The following ENO4 variants were observed in gnomAD, a reference collection of about 807,000 sequenced individuals.
ENO4 encodes the protein 2-phospho-D-glycerate hydro-lyase.
A neutral mutation model predicts 63.2 loss-of-function variants in ENO4; 53 were observed. The ratio of observed to expected loss-of-function variants is 0.84; its 90% CI spans 0.67 to 1.05. The LOEUF (loss-of-function observed/expected upper bound fraction) is 1.05, where lower values mean the gene tolerates loss of function less well. Among genes scored for constraint, ENO4 ranks in the 50% least tolerant of loss-of-function variants. The pLI is 0.00. For synonymous variants in ENO4, 266 were observed against 283.8 expected (o/e 0.94, Z 0.63); for missense variants, 719 against 772.0 (o/e 0.93, Z 0.81).
intron 7 of ENO4, among the ~76,000 whole-genome samples, chr10:116,866,715 G>A (rs1428822072): frequency 1.3e-5 from 2 of 151,886 alleles, no homozygotes; most frequent in African/African-American, 4.8e-5. Context: ...TGAGGTGGGA[G>A]GATTGCTTGA....
rs949851779 is a variant in ENO4 at position 116,871,141 on chromosome 10, A to G, written c.1064A>G (p.Lys355Arg). Residue 355 changes from lysine to arginine, a missense_variant, in exon 9 of 14, where the codon AAG (lysine) becomes AGG (arginine). Around this residue, in one of 3 missense-constraint regions of ENO4, gnomAD observed 544 missense variants for 583.6 expected, o/e 0.93. Coordinates refer to ENST00000341276, the MANE Select transcript of ENO4 (RefSeq NM_001242699.2). ...ATCTTGCAGCAGCAGATCACTGGCA[A>G]GATGTCTCATCTTGGCTGTTTAACC... ...SKRGQQQITG[K>R]MSHLGCLTIN... The G allele has an allele frequency of 2.6e-6, 4 of 1,550,366 alleles. No homozygotes were observed. The highest frequency in any genetic ancestry group is 1.4e-5 in the African/African-American group (1 of 73,042).
intron 10 of ENO4, chr10:116,900,543 G>A: frequency 6.5e-7 from 1 of 1,534,000 alleles, no homozygotes; most frequent in Non-Finnish European, 8.7e-7. Context: ...CAGATTATCT[G>A]TGTAAAATGG....
intron 10 of ENO4, among the ~76,000 whole-genome samples, chr10:116,896,801 C>CTTTTT (rs1230730641): frequency 4.1e-5 from 5 of 121,718 alleles, no homozygotes; most frequent in Non-Finnish European, 8.7e-5. Flanking sequence ...TGATCAGGTA[C>CTTTTT]TTTTTTTTTT....
chr10:116,896,058 A>G (rs1847505993), intron 10 of ENO4, among the ~76,000 whole-genome samples: 1 of 152,188 alleles, frequency 6.6e-6, no homozygotes, highest in African/African-American at 2.4e-5. Context: ...TGATTTCAGC[A>G]CATTTCCTCT....
intron 7 of ENO4, among the ~76,000 whole-genome samples, chr10:116,864,946 G>A (rs1846512515): frequency 6.6e-6 from 1 of 151,932 alleles, no homozygotes; most frequent in Non-Finnish European, 1.5e-5. Context: ...CTTGAACCCA[G>A]AAGGCAGAGG....
At chr10:116,864,062 C>T (rs1846489779) in intron 7 of ENO4, among the ~76,000 whole-genome samples, 1 of 152,200 alleles carries the variant, frequency 6.6e-6, no homozygotes, top group Non-Finnish European at 1.5e-5. Context: ...AGTGTAATAT[C>T]AAACACGCCG....
chr10:116,869,294 G>C (rs1036156734), intron 8 of ENO4, among the ~76,000 whole-genome samples: 5 of 152,166 alleles, frequency 3.3e-5, no homozygotes, highest in Non-Finnish European at 7.3e-5. Flanking sequence ...GCTGATAGAT[G>C]TATCTATTAT....
chr10:116,857,628 C>T (rs558818609), intron 3 of ENO4, among the ~76,000 whole-genome samples: 1 of 144,770 alleles, frequency 6.9e-6, no homozygotes, highest in East Asian at 2.0e-4. Flanking sequence ...AGATAATGAC[C>T]TTTGTAACAG....
intron 7 of ENO4, among the ~76,000 whole-genome samples, chr10:116,863,947 C>A (rs1034093307): frequency 5.3e-5 from 8 of 152,224 alleles, no homozygotes; most frequent in Admixed American, 3.9e-4. Flanking sequence ...ATTCATAACT[C>A]CGTGACCTTG....
chr10:116,895,717 G>C (rs755402801), intron 10 of ENO4, among the ~76,000 whole-genome samples: 1 of 152,064 alleles, frequency 6.6e-6, no homozygotes, highest in Admixed American at 6.6e-5. Context: ...GACACTAAAC[G>C]CAGTACACCA....
At chr10:116,902,111 T>G (rs535596533) in intron 10 of ENO4, among the ~76,000 whole-genome samples, 1 of 152,364 alleles carries the variant, frequency 6.6e-6, no homozygotes, top group South Asian at 2.1e-4. Context: ...GTTGGAAATC[T>G]GCTCTGCTTT....
At chr10:116,891,195 G>A (rs545707080) in intron 10 of ENO4, among the ~76,000 whole-genome samples, 18 of 152,184 alleles carry the variant, frequency 1.2e-4, no homozygotes, top group East Asian at 1.9e-4. Context: ...ACTTTTAAGC[G>A]GTGAGAGTTA....
intron 1 of ENO4, among the ~76,000 whole-genome samples, chr10:116,855,161 C>T (rs1227892652): frequency 2.0e-5 from 3 of 151,608 alleles, no homozygotes; most frequent in Admixed American, 6.6e-5. Flanking sequence ...AGCATGATGG[C>T]GCACGCCTGT....
rs749622679 is a variant in ENO4, at chr10:116,849,666, C to T, written c.100C>T (p.Arg34Cys). The T allele has an allele frequency of 6.5e-7, 1 of 1,549,960 alleles. No homozygotes were observed. The highest frequency in any genetic ancestry group is 8.7e-7 in the Non-Finnish European group (1 of 1,146,754). ...GTACTACCGGGAGAACGACGTTCCG[C>T]GCAGGCTGGAAGAGCTGCTCAACTC... ...MEYYRENDVP[R>C]RLEELLNSTF... The change falls in exon 1 of 14, where the codon CGC (arginine) becomes TGC (cysteine). Residue 34 changes from arginine (R) to cysteine (C), a missense_variant. Transcript: ENST00000341276.
At chr10:116,905,073 C>T (rs1004801567) in intron 10 of ENO4, among the ~76,000 whole-genome samples, 22 of 151,620 alleles carry the variant, frequency 1.5e-4, no homozygotes, top group South Asian at 1.1e-3. Flanking sequence ...CGGTGGCGGG[C>T]GCCTGTAGTC....
Position 116,871,159 on chromosome 10 carries a change from G to A in ENO4, c.1082G>A (p.Cys361Tyr), listed in dbSNP as rs779206215. 2.6e-6 allele frequency: 4 copies of A among 1,550,488 alleles called. No homozygotes were observed. The South Asian group carries it at 3.6e-5, about 14-fold the overall frequency. ...ACTGGCAAGATGTCTCATCTTGGCTGTTTAACCATTAACTGTGACTCCATA... is the reference window on the plus strand; with the variant it reads ...ACTGGCAAGATGTCTCATCTTGGCTATTTAACCATTAACTGTGACTCCATA... ...QITGKMSHLG[C>Y]LTINCDSIEQ... The change falls in exon 9 of 14, where the codon TGT (cysteine) becomes TAT (tyrosine). Residue 361 changes from cysteine to tyrosine, a missense_variant. Coordinates refer to ENST00000341276, the MANE Select transcript of ENO4 (RefSeq NM_001242699.2).
rs370934016 is a variant in ENO4, at chr10:116,899,084, T to C, written c.1195-12415T>C. Among the ~76,000 whole-genome samples the C allele has an allele frequency of 1.6e-4, 24 of 152,318 alleles. No individual in the cohort carries two copies. The East Asian group carries it at 3.9e-3, about 24-fold the overall frequency. ...CATTCATTTATTCAAAAAGAATTTA[T>C]TGAAAGCCTACCATAAGGCAGGAAT... On this transcript the variant is annotated intron_variant, in intron 10 of 10. Transcript: ENST00000369207.
At chr10:116,862,023 G>A (rs11197836) in intron 6 of ENO4, among the ~76,000 whole-genome samples, 3,375 of 152,242 alleles carry the variant, frequency 0.022, 74 homozygotes, top group Admixed American at 0.041. Flanking sequence ...ACCAGAGCAC[G>A]AGGAATGCCA....
At chr10:116,876,341 C>T in intron 11 of ENO4, 81 bp downstream of exon 11, 1 of 1,101,780 alleles carries the variant, frequency 9.1e-7, no homozygotes, top group Non-Finnish European at 1.2e-6. Flanking sequence ...ATCAAAGTTA[C>T]TAAAAAGCAT....
Sources: allele counts gnomAD v4.1 joint callset (sites outside exome capture counted in the v4.1 genomes callset), GRCh38; gene constraint gnomAD v4.1.1; regional missense constraint gnomAD v4.1.1; transcripts MANE v1.5; gene names NCBI Gene and HGNC (gene_info 2026-07-23, HGNC 2026-07-21).